Variants in FAM13B observed in about 807,000 individuals in gnomAD.
The protein encoded by FAM13B is family with sequence similarity 13 member B, also known as protein FAM13B.
A neutral mutation model predicts 117.3 loss-of-function variants in FAM13B; 60 were observed. The ratio of observed to expected loss-of-function variants is 0.51; its 90% CI spans 0.42 to 0.63. The LOEUF is 0.63. Among genes scored for constraint, FAM13B ranks in the 30% least tolerant of loss-of-function variants. The pLI is 0.00. For synonymous variants in FAM13B, 332 were observed against 356.1 expected (o/e 0.93, Z 0.76); for missense variants, 972 against 1,091.9 (o/e 0.89, Z 1.55).
intron 7 of FAM13B, among the ~76,000 whole-genome samples, chr5:138,001,644 G>C (rs1200253770): frequency 1.3e-5 from 2 of 152,114 alleles, no homozygotes; most frequent in African/African-American, 4.8e-5. Context: ...AGTGATGGAA[G>C]ACAGACAATA....
intron 17 of FAM13B, among the ~76,000 whole-genome samples, chr5:137,950,025 G>C (rs1297291557): frequency 1.3e-5 from 2 of 152,114 alleles, no homozygotes; most frequent in African/African-American, 4.8e-5. Flanking sequence ...TATCCATAGA[G>C]AGCCTATTAT....
chr5:137,969,490 T>C (rs1001215516), intron 10 of FAM13B, among the ~76,000 whole-genome samples: 2 of 152,052 alleles, frequency 1.3e-5, no homozygotes, highest in African/African-American at 4.8e-5. Context: ...CAAAGGTAGA[T>C]AAAACCACAA....
At chr5:137,970,334 C>T (rs965190637) in intron 10 of FAM13B, among the ~76,000 whole-genome samples, 3 of 151,920 alleles carry the variant, frequency 2.0e-5, no homozygotes, top group African/African-American at 7.3e-5. Context: ...GAATTTTCAA[C>T]CCAGAATTTC....
chr5:137,984,990 C>T (rs900820443), intron 10 of FAM13B, among the ~76,000 whole-genome samples: 15 of 151,916 alleles, frequency 9.9e-5, no homozygotes, highest in African/African-American at 2.9e-4. Flanking sequence ...AGGATGGTCT[C>T]GATCTCCTGA....
At position 137,938,521 on chromosome 5, in the gene FAM13B, A is replaced by G. The variant is rs1760780289; in HGVS notation, c.*1704T>C. 1 of 152,544 alleles carries G rather than the reference A, an allele frequency of 6.6e-6. No homozygotes were observed. The highest frequency in any genetic ancestry group is 6.6e-5 in the Admixed American group (1 of 15,262). 9.4% of individuals were successfully genotyped at this position (152,544 alleles called of 1,614,324 possible). A position where few individuals can be genotyped will look rare whatever the true frequency, so the allele number is the denominator to read the frequency against. ...AATGATACATCTTTTGGTATTTTCA[A>G]TTTCACTTTTCTAGGTATACATTAT... is the stretch of plus-strand genomic sequence containing the variant. On this transcript the variant is annotated 3_prime_UTR_variant, in exon 24 of 24. Transcript: ENST00000689681.
At chr5:138,021,234 C>T (rs1455590950) in intron 1 of FAM13B, 37 bp from the exon 2 acceptor site, 22 of 1,220,602 alleles carry the variant, frequency 1.8e-5, no homozygotes, top group Non-Finnish European at 2.1e-5. Context: ...TTTCCCACAT[C>T]TTTAACTGTC....
chr5:137,950,675 G>A lies in FAM13B; in HGVS notation c.1931-1491C>T, dbSNP rs560705259. Among the ~76,000 whole-genome samples, 8 of 152,130 alleles carry A rather than the reference G, an allele frequency of 5.3e-5. No individual in the cohort carries two copies. The East Asian group carries it at 1.4e-3, about 26-fold the overall frequency. On this transcript the variant is annotated intron_variant, in intron 17 of 23. Coordinates refer to ENST00000689681, the MANE Select transcript of FAM13B (RefSeq NM_001385994.1). Reference sequence around the variant, plus strand: ...CAGCCTCCAGAGTAGCTGGGACCCAGGCTAACATGACTTTTTTAAAGATAA... The same window carrying A: ...CAGCCTCCAGAGTAGCTGGGACCCAAGCTAACATGACTTTTTTAAAGATAA...
chr5:137,980,474 ACT>A (rs1775398215), intron 10 of FAM13B, among the ~76,000 whole-genome samples: 1 of 134,422 alleles, frequency 7.4e-6, no homozygotes, highest in African/African-American at 2.8e-5. Flanking sequence ...ACAGGGTCTC[ACT>A]CTGTCACCCA....
intron 7 of FAM13B, among the ~76,000 whole-genome samples, chr5:137,989,016 G>A (rs1777946169): frequency 6.6e-6 from 1 of 152,130 alleles, no homozygotes; most frequent in Non-Finnish European, 1.5e-5. Context: ...GATGAATACA[G>A]GTAATTTTTA....
chr5:137,945,414 C>G (rs933445982), intron 20 of FAM13B, among the ~76,000 whole-genome samples: 3 of 152,078 alleles, frequency 2.0e-5, no homozygotes, highest in Non-Finnish European at 4.4e-5. Flanking sequence ...GTGACTTCTT[C>G]TCATTAAAAA....
At chr5:137,966,488 T>TAGAGAGAG (rs57142324) in intron 10 of FAM13B, among the ~76,000 whole-genome samples, 488 of 29,434 alleles carry the variant, frequency 0.017, 9 homozygotes, top group Non-Finnish European at 0.019. Context: ...TATATATATA[T>TAGAGAGAG]AGAGAGAGAG....
intron 13 of FAM13B, among the ~76,000 whole-genome samples, chr5:137,957,329 G>T (rs1053822310): frequency 6.6e-6 from 1 of 152,074 alleles, no homozygotes; most frequent in African/African-American, 2.4e-5. Context: ...ATCACCCGAG[G>T]CCGGGAGTTT....
intron 2 of FAM13B, 145 bp from the exon 3 acceptor site, chr5:138,019,291 A>T (rs556817462): frequency 4.5e-6 from 3 of 662,224 alleles, no homozygotes; most frequent in South Asian, 2.1e-5. Flanking sequence ...TGTGTTCTAC[A>T]GATGAAGTTC....
chr5:138,017,039 T>C (rs566393910), intron 4 of FAM13B, among the ~76,000 whole-genome samples: 8 of 152,326 alleles, frequency 5.3e-5, no homozygotes, highest in African/African-American at 1.9e-4. Context: ...AGCGTAATTT[T>C]GGGGGGAGAA....
chr5:138,016,091 T>C (rs571568425), intron 4 of FAM13B, among the ~76,000 whole-genome samples: 1 of 152,246 alleles, frequency 6.6e-6, no homozygotes, highest in Non-Finnish European at 1.5e-5. Flanking sequence ...AGTAACAAGA[T>C]GCGTATTGTA....
At chr5:137,977,460 C>T (rs2079875) in intron 10 of FAM13B, among the ~76,000 whole-genome samples, 64,307 of 152,034 alleles carry the variant, frequency 0.42, 14,501 homozygotes, top group East Asian at 0.6. Context: ...GGTTTTACAG[C>T]TTGGGGGGCA....
At chr5:137,949,647 T>C (rs1156730312) in intron 17 of FAM13B, among the ~76,000 whole-genome samples, 23 of 151,870 alleles carry the variant, frequency 1.5e-4, no homozygotes, top group Admixed American at 1.5e-3. Flanking sequence ...AGGTGTGGTG[T>C]CATGTGCCTG....
In FAM13B at chr5:138,051,463, T is replaced by C. The variant is rs1482735184; in HGVS notation, c.-203+415A>G. On this transcript the variant is annotated intron_variant, in intron 1 of 3. Coordinates refer to the FAM13B transcript ENST00000502471. ...ACTTTCACCAAAAAGGGACTTTATG[T>C]ATATTTTTAGCCAATCTAATGAGCA... Among the ~76,000 whole-genome samples, 5 of 152,236 alleles carry C rather than the reference T, an allele frequency of 3.3e-5. No homozygotes were observed. The East Asian group carries it at 9.6e-4, about 29-fold the overall frequency.
chr5:138,045,723 A>C (rs1457999858), intron 1 of FAM13B, among the ~76,000 whole-genome samples: 3 of 150,814 alleles, frequency 2.0e-5, no homozygotes, highest in Admixed American at 6.6e-5. Flanking sequence ...CAGTGGCCAG[A>C]CACAGTGGCT....
Sources: gnomAD v4.1 joint callset for allele counts (sites outside exome capture counted in the v4.1 genomes callset) on GRCh38, gnomAD v4.1.1 for gene constraint, MANE v1.5 for transcripts, NCBI Gene and HGNC (gene_info 2026-07-23, HGNC 2026-07-21) for gene names.